The following HS3ST5 variants were observed in gnomAD, a reference collection of about 807,000 sequenced individuals.
HS3ST5 encodes the protein heparan sulfate glucosamine 3-O-sulfotransferase 5.
In HS3ST5, 10 loss-of-function variants were observed where a neutral mutation model predicts 25.4. The ratio of observed to expected loss-of-function variants is 0.39; its 90% confidence interval spans 0.24 to 0.67. The LOEUF (loss-of-function observed/expected upper bound fraction) is 0.67. Ranked by LOEUF, HS3ST5 falls within the 30% of genes least tolerant of loss-of-function variation. The pLI is 0.44. For missense variants in HS3ST5, 324 were observed against 420.7 expected (o/e 0.77, Z 2.01); for synonymous variants, 170 against 162.4 (o/e 1.05, Z -0.36).
At chr6:114,098,304 C>G (rs1775548218) in intron 3 of HS3ST5, among the ~76,000 whole-genome samples, 1 of 151,654 alleles carries the variant, frequency 6.6e-6, no homozygotes, top group African/African-American at 2.4e-5. Context: ...AAGTTAAAAT[C>G]AGAAGATCAG....
chr6:114,307,368 T>C (rs553022572), intron 1 of HS3ST5, among the ~76,000 whole-genome samples: 1 of 152,064 alleles, frequency 6.6e-6, no homozygotes, highest in African/African-American at 2.4e-5. Context: ...GTTTTTTTTT[T>C]TCCATCTAGT....
At chr6:114,217,547 G>A (rs1038372997) in intron 2 of HS3ST5, among the ~76,000 whole-genome samples, 1 of 152,154 alleles carries the variant, frequency 6.6e-6, no homozygotes, top group Non-Finnish European at 1.5e-5. Flanking sequence ...TTCCGTTTTG[G>A]AACAACAAGA....
At chr6:114,085,032 A>G (rs1774721432) in intron 3 of HS3ST5, among the ~76,000 whole-genome samples, 1 of 151,630 alleles carries the variant, frequency 6.6e-6, no homozygotes, top group Admixed American at 6.6e-5. Context: ...GGGTTTCACC[A>G]TGTTGGCCAG....
At chr6:114,199,942 G>A (rs749474805) in intron 2 of HS3ST5, among the ~76,000 whole-genome samples, 31 of 152,260 alleles carry the variant, frequency 2.0e-4, no homozygotes, top group Non-Finnish European at 2.8e-4. Flanking sequence ...GGCAGGGCAC[G>A]GTGGCTCACG....
chr6:114,218,247 C>T (rs1204854733), intron 2 of HS3ST5, among the ~76,000 whole-genome samples: 4 of 152,218 alleles, frequency 2.6e-5, no homozygotes, highest in East Asian at 3.9e-4. Context: ...ATCTGTCCAC[C>T]TTGGCCTCCC....
At position 114,091,081 on chromosome 6, in the gene HS3ST5, A is replaced by G. The variant is rs1433622999; in HGVS notation, c.-32-28204T>C. Reference sequence around the variant, plus strand: ...TAATTATAACACTCCTTTCTATTTTAGTCCCTATTTATTTTCCAATTCTTT... The same window carrying G: ...TAATTATAACACTCCTTTCTATTTTGGTCCCTATTTATTTTCCAATTCTTT... On this transcript the variant is annotated intron_variant, in intron 3 of 4. Transcript: ENST00000312719. Among the ~76,000 whole-genome samples, 3 of 152,162 alleles carry G rather than the reference A, an allele frequency of 2.0e-5. No homozygotes were observed. The East Asian group carries it at 5.8e-4, about 29-fold the overall frequency.
chr6:114,071,854 C>G (rs969879606), intron 3 of HS3ST5, among the ~76,000 whole-genome samples: 4 of 152,126 alleles, frequency 2.6e-5, no homozygotes, highest in East Asian at 1.9e-4. Flanking sequence ...TTATTTGTCT[C>G]TATAGAAGCA....
chr6:114,341,419 C>T (rs941943516), intron 1 of HS3ST5, among the ~76,000 whole-genome samples: 4 of 152,154 alleles, frequency 2.6e-5, no homozygotes, highest in African/African-American at 9.6e-5. Context: ...CGCTTGGAAC[C>T]TCCAGGTAAA....
chr6:114,331,707 G>A (rs1253762468), intron 1 of HS3ST5, among the ~76,000 whole-genome samples: 1 of 151,978 alleles, frequency 6.6e-6, no homozygotes, highest in East Asian at 1.9e-4. Context: ...AAAAAGAGTT[G>A]CTTCCAAATG....
intron 3 of HS3ST5, among the ~76,000 whole-genome samples, chr6:114,110,714 G>A (rs1240051096): frequency 6.6e-6 from 1 of 152,112 alleles, no homozygotes; most frequent in Non-Finnish European, 1.5e-5. Flanking sequence ...AGTAAATGAA[G>A]GGCATGATGT....
intron 1 of HS3ST5, among the ~76,000 whole-genome samples, chr6:114,257,534 T>C (rs1187077948): frequency 6.6e-6 from 1 of 152,170 alleles, no homozygotes; most frequent in African/African-American, 2.4e-5. Context: ...TGTACATCTC[T>C]ACTCCTGTTA....
rs1772820722 is a variant in HS3ST5, at chr6:114,057,251, A to G, written c.*6T>C. ...CACAACACATAGTGTTGTATGACAT[A>G]TTATTTTAGGGCCAGTTCAATGTCC... On this transcript the variant is annotated 3_prime_UTR_variant, in exon 5 of 5. Transcript: ENST00000312719. 1.9e-6 allele frequency: 3 copies of G among 1,595,830 alleles called. No individual in the cohort carries two copies. Among genetic ancestry groups the G allele is most frequent in the Non-Finnish European group, 2.6e-6 (3 of 1,165,352 alleles).
At chr6:114,118,218 G>A (rs1776623296) in intron 3 of HS3ST5, among the ~76,000 whole-genome samples, 1 of 152,154 alleles carries the variant, frequency 6.6e-6, no homozygotes, top group African/African-American at 2.4e-5. Context: ...GAGGGGGCAT[G>A]TATGGACATC....
intron 3 of HS3ST5, among the ~76,000 whole-genome samples, chr6:114,075,881 G>T (rs377080902): frequency 3.3e-5 from 5 of 151,994 alleles, no homozygotes; most frequent in African/African-American, 1.2e-4. Context: ...CTTTTCCTTG[G>T]GTAACCAACA....
At chr6:114,126,704 A>G (rs967067844) in intron 3 of HS3ST5, among the ~76,000 whole-genome samples, 1 of 152,288 alleles carries the variant, frequency 6.6e-6, no homozygotes, top group South Asian at 2.1e-4. Context: ...TCTGTAGAGT[A>G]TTTCCATTTT....
chr6:114,164,498 T>C (rs111264245), intron 3 of HS3ST5, among the ~76,000 whole-genome samples: 49 of 152,204 alleles, frequency 3.2e-4, no homozygotes, highest in African/African-American at 1.2e-3. Context: ...CAATTGATCA[T>C]AGATTCTCCA....
chr6:114,328,656 C>T (rs1212086454), intron 1 of HS3ST5, among the ~76,000 whole-genome samples: 1 of 152,236 alleles, frequency 6.6e-6, no homozygotes, highest in Non-Finnish European at 1.5e-5. Flanking sequence ...AAAGTCACCT[C>T]TCACTGGCAG....
chr6:114,136,374 T>C (rs1777612682), intron 3 of HS3ST5, among the ~76,000 whole-genome samples: 1 of 152,220 alleles, frequency 6.6e-6, no homozygotes, highest in African/African-American at 2.4e-5. Flanking sequence ...GCTGCTGCCA[T>C]GTAGGATGTG....
chr6:114,171,127 G>T (rs1408395452), intron 2 of HS3ST5, among the ~76,000 whole-genome samples: 2 of 152,114 alleles, frequency 1.3e-5, no homozygotes, highest in Non-Finnish European at 2.9e-5. Context: ...GGAAATAATA[G>T]TTCATAGCTA....
Sources: gnomAD v4.1 joint callset for allele counts (sites outside exome capture counted in the v4.1 genomes callset) on GRCh38, gnomAD v4.1.1 for gene constraint, MANE v1.5 for transcripts, NCBI Gene and HGNC (gene_info 2026-07-23, HGNC 2026-07-21) for gene names.